Variants in HJURP observed in about 807,000 individuals in gnomAD.
The protein encoded by HJURP is 14-3-3-associated AKT substrate.
A neutral mutation model predicts 72.0 loss-of-function variants in HJURP; 49 were observed. That is an observed-to-expected ratio of 0.68 (90% CI 0.54 to 0.86). The LOEUF (loss-of-function observed/expected upper bound fraction) is 0.86, where lower values mean the gene tolerates loss of function less well. HJURP is among the 40% of genes least tolerant of loss of function. HJURP has a pLI of 0.00. For synonymous variants in HJURP, 357 were observed against 347.1 expected (o/e 1.03, Z -0.32); for missense variants, 908 against 936.3 (o/e 0.97, Z 0.39).
rs3841510 is a variant in HJURP at position 233,846,018 on chromosome 2, G to GACAC, written c.403-202_403-199dup. 17 of 486,756 alleles carry GACAC rather than the reference G, an allele frequency of 3.5e-5. No individual in the cohort carries two copies. Among genetic ancestry groups the GACAC allele is most frequent in the Non-Finnish European group, 4.7e-5 (13 of 275,762 alleles). 30.2% of individuals were successfully genotyped at this position (486,756 alleles called of 1,614,324 possible). A position where few individuals can be genotyped will look rare whatever the true frequency, so the allele number is the denominator to read the frequency against. On this transcript the variant is annotated intron_variant, in intron 5 of 8. Transcript: ENST00000411486. The surrounding 1 kb of genome is among the most constrained non-coding windows in gnomAD (Gnocchi z 4.3). ...TTAATAATCCAAAAGAATGTAAAAA[G>GACAC]ACACACACACACAAAAAAACCATGT... is the stretch of plus-strand genomic sequence containing the variant.
intron 6 of HJURP, among the ~76,000 whole-genome samples, chr2:233,845,152 A>G (rs1045971218): frequency 4.0e-5 from 6 of 151,574 alleles, no homozygotes; most frequent in Admixed American, 6.6e-5. Flanking sequence ...TGTGGCCCCA[A>G]TAGATTTTTT....
chr2:233,845,668 C>T, intron 6 of HJURP, 60 bp downstream of exon 6: 1 of 1,056,570 alleles, frequency 9.5e-7, no homozygotes, highest in Non-Finnish European at 1.5e-6. Context: ...AACACTGTAC[C>T]TCAATGTATT....
intron 8 of HJURP, among the ~76,000 whole-genome samples, chr2:233,838,325 T>A (rs1488134935): frequency 6.6e-6 from 1 of 152,130 alleles, no homozygotes. Flanking sequence ...CTCAGGATGG[T>A]CCCACAATAA....
chr2:233,854,229 C>T (rs567554889), intron 1 of HJURP, among the ~76,000 whole-genome samples, 155 bp downstream of exon 1: 1 of 152,328 alleles, frequency 6.6e-6, no homozygotes, highest in Non-Finnish European at 1.5e-5. Context: ...GCCCCCAGCT[C>T]CGCCTCCACC....
intron 8 of HJURP, among the ~76,000 whole-genome samples, chr2:233,840,374 G>A (rs1705189000): frequency 6.6e-6 from 1 of 152,248 alleles, no homozygotes; most frequent in Non-Finnish European, 1.5e-5. Context: ...TGAAACTTCT[G>A]CAAGAGCACT....
Position 233,841,087 on chromosome 2 carries a change from G to A in HJURP, c.1693C>T (p.Pro565Ser), listed in dbSNP as rs755034561. 6.2e-7 allele frequency: 1 copy of A among 1,614,060 alleles called. No homozygotes were observed. The highest frequency in any genetic ancestry group is 2.2e-5 in the East Asian group (1 of 44,880). ...CCGTGGCCTGGCACTTCTTTATCTG[G>A]GACTGAAAGAGTTTTGCTGGGTGAC... The part of the protein sequence containing the change: ...SVSPSKTLSV[P>S]DKEVPGHGRN... The change falls in exon 8 of 9, where the codon CCA becomes TCA. Residue 565 changes from proline (P) to serine (S), a missense_variant. Pro to Ser is a moderately conservative substitution (Grantham distance 74, BLOSUM62 -1). This residue lies in a region of HJURP where 598 missense variants were observed against 619.5 expected (regional missense o/e 0.97). Coordinates refer to ENST00000411486, the MANE Select transcript of HJURP (RefSeq NM_018410.5).
At chr2:233,844,733 T>C (rs572036324) in intron 6 of HJURP, among the ~76,000 whole-genome samples, 55 of 152,202 alleles carry the variant, frequency 3.6e-4, no homozygotes, top group Non-Finnish European at 7.6e-4. Flanking sequence ...GCATTTCAGG[T>C]ACATCCACTA....
rs1385526701 is a variant in HJURP, at chr2:233,841,209, A to T, written c.1571T>A (p.Leu524His). The change falls in exon 8 of 9, where the codon CTT becomes CAT. Residue 524 changes from leucine (L) to histidine (H), a missense_variant. Physicochemically the swap from Leu to His is moderately conservative, Grantham distance 99. Coordinates refer to ENST00000411486, the MANE Select transcript of HJURP (RefSeq NM_018410.5). ...CLPKSDSSSS[L>H]PKTNPTHSAT... Reference sequence around the variant, plus strand: ...GCTGTGTGTGGGGTTGGTCTTTGGAAGTGATGAAGATGAATCGCTCTTGGG... The same window carrying T: ...GCTGTGTGTGGGGTTGGTCTTTGGATGTGATGAAGATGAATCGCTCTTGGG... 1.2e-6 allele frequency: 2 copies of T among 1,614,144 alleles called. No individual in the cohort carries two copies. The highest frequency in any genetic ancestry group is 1.7e-6 in the Non-Finnish European group (2 of 1,180,032).
intron 6 of HJURP, among the ~76,000 whole-genome samples, chr2:233,844,934 AG>A (rs1705320861): frequency 6.6e-6 from 1 of 152,126 alleles, no homozygotes; most frequent in Non-Finnish European, 1.5e-5. Flanking sequence ...AGGGGTTGGC[AG>A]GTGAGTGTGC....
intron 8 of HJURP, 61 bp from the exon 9 acceptor site, chr2:233,837,713 G>A: frequency 1.9e-6 from 2 of 1,048,644 alleles, no homozygotes; most frequent in Non-Finnish European, 2.9e-6. Flanking sequence ...CCCAATGCCA[G>A]CCACTAAAAG....
intron 4 of HJURP, 28 bp downstream of exon 4, chr2:233,849,735 T>C: frequency 6.8e-7 from 1 of 1,467,234 alleles, no homozygotes; most frequent in Non-Finnish European, 9.3e-7. Flanking sequence ...CCTCCTGACT[T>C]CAGTTCTCTG....
chr2:233,842,196 C>A lies in HJURP; in HGVS notation c.584G>T (p.Ser195Ile), dbSNP rs1283356318. ...ACCAGGACTCTTTCTGGAGATACGA[C>A]TGCAGTATCCTGGGAGAAAAGATAC... ...SPAVPAPGYC[S>I]RISRKSPGDP... The change falls in exon 8 of 9, where the codon AGT (serine) becomes ATT (isoleucine). Residue 195 changes from serine (S) to isoleucine (I), a missense_variant. Physicochemically the swap from Ser to Ile is moderately radical, Grantham distance 142. Transcript: ENST00000411486. 3.1e-6 allele frequency: 5 copies of A among 1,605,346 alleles called. No homozygotes were observed. The highest frequency in any genetic ancestry group is 4.3e-6 in the Non-Finnish European group (5 of 1,175,686).
In HJURP at chr2:233,853,737, A is replaced by T; in HGVS notation, c.184+107T>A. The T allele has an allele frequency of 3.4e-6, 3 of 883,254 alleles. No individual in the cohort carries two copies. In the South Asian group the frequency reaches 5.3e-5, roughly 16 times the overall value. 54.7% of individuals were successfully genotyped at this position (883,254 alleles called of 1,614,324 possible). A position where few individuals can be genotyped will look rare whatever the true frequency, so the allele number is the denominator to read the frequency against. On this transcript the variant is annotated intron_variant, in intron 2 of 8. Transcript: ENST00000411486. ...TAAGGGCACCAATGTTTTGGTTCCT[A>T]TTAGTTAGGTGAACAATGTTTACTT... is the stretch of plus-strand genomic sequence containing the variant.
rs1032658273 is a variant in HJURP at position 233,841,665 on chromosome 2, G to A, written c.1115C>T (p.Pro372Leu). The change falls in exon 8 of 9, where the codon CCA becomes CTA. Residue 372 changes from proline (P) to leucine (L), a missense_variant. Transcript: ENST00000411486. ...TGTCACTTTGCGCTCCTTCCAACTTGGATCTAACTTATGGATTTGGGGTCT... is the reference window on the plus strand; with the variant it reads ...TGTCACTTTGCGCTCCTTCCAACTTAGATCTAACTTATGGATTTGGGGTCT... Reference protein sequence around the residue: ...VNRPQIHKLDPSWKERKVTPS... With the variant: ...VNRPQIHKLDLSWKERKVTPS... 1.2e-6 allele frequency: 2 copies of A among 1,614,072 alleles called. No homozygotes were observed. Among genetic ancestry groups the A allele is most frequent in the South Asian group, 1.1e-5 (1 of 91,088 alleles).
intron 3 of HJURP, 25 bp from the exon 4 acceptor site, chr2:233,849,884 A>T: frequency 7.0e-7 from 1 of 1,421,398 alleles, no homozygotes; most frequent in East Asian, 2.5e-5. Flanking sequence ...GCCAATAAAA[A>T]CATGGTTGTT....
intron 4 of HJURP, among the ~76,000 whole-genome samples, chr2:233,848,607 C>T (rs1227554620): frequency 2.6e-5 from 4 of 152,156 alleles, no homozygotes; most frequent in African/African-American, 7.2e-5. Context: ...TTCTGGCTAA[C>T]GCTAGAGGGA....
At chr2:233,842,291 C>T in intron 7 of HJURP, 86 bp from the exon 8 acceptor site, 2 of 1,204,068 alleles carry the variant, frequency 1.7e-6, no homozygotes, top group South Asian at 3.0e-5. Flanking sequence ...AAGATTGGAT[C>T]AGGACTATGT....
rs199672598 is a variant in HJURP at position 233,846,032 on chromosome 2, A to ACAC, written c.403-213_403-212insGTG. The ACAC allele has an allele frequency of 4.2e-6, 2 of 473,852 alleles. No individual in the cohort carries two copies. The highest frequency in any genetic ancestry group is 3.9e-5 in the African/African-American group (2 of 51,078). The allele number at this position is 473,852 out of a possible 1,614,324, so 29.4% of individuals were successfully genotyped here. A position where few individuals can be genotyped will look rare whatever the true frequency, so the allele number is the denominator to read the frequency against. On this transcript the variant is annotated intron_variant, in intron 5 of 8. Transcript: ENST00000411486. The surrounding 1 kb of genome is among the most constrained non-coding windows in gnomAD (Gnocchi z 4.3). ...GAATGTAAAAAGACACACACACACA[A>ACAC]AAAAACCATGTCTAGAGAAGTTTAT...
chr2:233,849,467 G>C (rs2124974668), intron 4 of HJURP, among the ~76,000 whole-genome samples: 1 of 152,254 alleles, frequency 6.6e-6, no homozygotes, highest in East Asian at 1.9e-4. Context: ...CCACCCTGTA[G>C]GGGCAAATCT....
Sources: allele counts gnomAD v4.1 joint callset (sites outside exome capture counted in the v4.1 genomes callset), GRCh38; gene constraint gnomAD v4.1.1; regional missense constraint gnomAD v4.1.1; non-coding constraint Gnocchi (gnomAD v3.1); transcripts MANE v1.5; gene names NCBI Gene and HGNC (gene_info 2026-07-23, HGNC 2026-07-21).